The following TBC1D9 variants were observed in gnomAD, a reference collection of about 807,000 sequenced individuals.
TBC1D9 encodes TBC1 domain family member 9A.
Under a neutral mutation model 132.0 loss-of-function variants are expected in TBC1D9, and 63 were observed. The observed-to-expected ratio is 0.48, with a 90% CI of 0.39 to 0.59. TBC1D9 has a LOEUF of 0.59. TBC1D9 is among the 20% of genes least tolerant of loss of function. The probability of loss-of-function intolerance (pLI) is 0.00; values close to 1 mark genes in which losing one functional copy is unlikely to be tolerated. For missense variants in TBC1D9, 1,261 were observed against 1,592.7 expected (o/e 0.79, Z 3.54); for synonymous variants, 610 against 609.9 (o/e 1.00, Z 0.00).
intron 15 of TBC1D9, among the ~76,000 whole-genome samples, chr4:140,635,682 A>C (rs896586808): frequency 2.0e-5 from 3 of 152,094 alleles, no homozygotes; most frequent in Admixed American, 6.5e-5. Flanking sequence ...TAAAAAGAGG[A>C]GTGGGAGTAG....
At chr4:140,701,425 G>T in intron 2 of TBC1D9, 79 bp downstream of exon 2, 1 of 1,060,474 alleles carries the variant, frequency 9.4e-7, no homozygotes, top group Non-Finnish European at 1.4e-6. Flanking sequence ...GCAAGTACAC[G>T]TTCCTTTCCT....
chr4:140,671,674 CTGTG>C (rs34072180), intron 6 of TBC1D9, among the ~76,000 whole-genome samples: 7,863 of 141,642 alleles, frequency 0.056, 231 homozygotes, highest in Non-Finnish European at 0.075. Context: ...AACTACCAGA[CTGTG>C]TGTGTGTGTG....
chr4:140,630,930 A>G (rs148944665), intron 16 of TBC1D9, among the ~76,000 whole-genome samples: 6 of 152,334 alleles, frequency 3.9e-5, no homozygotes, highest in African/African-American at 1.4e-4. Context: ...GGTTAACTCT[A>G]TCGTGCAAAT....
In TBC1D9 at chr4:140,622,858, C is replaced by T; in HGVS notation, c.3138G>A (p.Glu1046=). The T allele has an allele frequency of 6.3e-6, 10 of 1,591,198 alleles. No individual in the cohort carries two copies. The highest frequency in any genetic ancestry group is 7.7e-6 in the Non-Finnish European group (9 of 1,171,346). ...CTGCCGTGGCGTGGTACAGCTCCTG[C>T]TCATTGGGGTCTTCGCTGAACATGT... ...MYNMFSEDPN[E]QELYHATAAV... Residue 1046 remains glutamate, a synonymous_variant, in exon 21 of 21, where the codon GAG becomes GAA. Transcript: ENST00000442267.
At chr4:140,723,547 T>C (rs1160764496) in intron 1 of TBC1D9, among the ~76,000 whole-genome samples, 1 of 152,134 alleles carries the variant, frequency 6.6e-6, no homozygotes, top group African/African-American at 2.4e-5. Flanking sequence ...GTGGCCAGGC[T>C]GGTCTCAAAC....
At chr4:140,740,334 A>G (rs1160695003) in intron 1 of TBC1D9, among the ~76,000 whole-genome samples, 7 of 152,210 alleles carry the variant, frequency 4.6e-5, no homozygotes, top group Non-Finnish European at 1.0e-4. Flanking sequence ...AAAAACAGGG[A>G]CAGACAATTT....
At chr4:140,659,779 T>C in intron 10 of TBC1D9, 74 bp from the exon 11 acceptor site, 1 of 1,033,662 alleles carries the variant, frequency 9.7e-7, no homozygotes, top group Admixed American at 2.3e-5. Context: ...TTAAAATTAC[T>C]CAGTTATTCT....
intron 10 of TBC1D9, 66 bp from the exon 11 acceptor site, chr4:140,659,771 A>G: frequency 9.0e-7 from 1 of 1,116,580 alleles, no homozygotes; most frequent in Non-Finnish European, 1.3e-6. Flanking sequence ...TTAGCATATT[A>G]AAATTACTCA....
chr4:140,642,912 T>A, intron 13 of TBC1D9: 1 of 591,470 alleles, frequency 1.7e-6, no homozygotes, highest in Non-Finnish European at 2.9e-6. Context: ...GTCCTCGGAG[T>A]CCCGGCGCCG....
chr4:140,652,400 A>T (rs1737200894), intron 13 of TBC1D9, among the ~76,000 whole-genome samples: 1 of 152,076 alleles, frequency 6.6e-6, no homozygotes, highest in Non-Finnish European at 1.5e-5. Context: ...GGAAGCAGAG[A>T]TAATGTACTT....
chr4:140,704,732 A>G (rs1258911908), intron 1 of TBC1D9, among the ~76,000 whole-genome samples: 1 of 152,166 alleles, frequency 6.6e-6, no homozygotes, highest in African/African-American at 2.4e-5. Flanking sequence ...CACCACCACA[A>G]TGTTCCCAAC....
chr4:140,669,243 T>C (rs190693241), intron 8 of TBC1D9, among the ~76,000 whole-genome samples, 176 bp from the exon 9 acceptor site: 51 of 152,330 alleles, frequency 3.3e-4, no homozygotes, highest in Admixed American at 1.5e-3. Flanking sequence ...ACATCTATCA[T>C]GGCCTACAGC....
intron 2 of TBC1D9, among the ~76,000 whole-genome samples, chr4:140,687,342 T>TGTGATATATATATA: frequency 1.8e-5 from 1 of 54,526 alleles, no homozygotes; most frequent in South Asian, 7.1e-4. Context: ...TGTGTGTGTG[T>TGTGATATATATATA]CATATATATA....
intron 1 of TBC1D9, among the ~76,000 whole-genome samples, chr4:140,708,152 A>G (rs909593966): frequency 4.6e-5 from 7 of 152,194 alleles, no homozygotes; most frequent in African/African-American, 1.7e-4. Flanking sequence ...AACCAGAATT[A>G]TTTTAAGAAC....
chr4:140,629,977 T>A lies in TBC1D9; in HGVS notation c.2747-1612A>T, dbSNP rs542571635. 8.5e-5 allele frequency among the ~76,000 whole-genome samples: 13 copies of A among 152,278 alleles called. No homozygotes were observed. In the South Asian group the frequency reaches 1.7e-3, roughly 19 times the overall value. Reference sequence around the variant, plus strand: ...ACAATTATTACTCCTATTTTACAGATAAGAAAAATTGGGCTTATTGAGGTT... The same window carrying A: ...ACAATTATTACTCCTATTTTACAGAAAAGAAAAATTGGGCTTATTGAGGTT... On this transcript the variant is annotated intron_variant, in intron 16 of 20. Transcript: ENST00000442267.
At chr4:140,700,553 C>A (rs13124121) in intron 2 of TBC1D9, among the ~76,000 whole-genome samples, 54,723 of 151,620 alleles carry the variant, frequency 0.36, 11,739 homozygotes, top group Non-Finnish European at 0.47. Context: ...GGTGCAGTGG[C>A]TCACACCTGT....
At chr4:140,662,141 C>T (rs11731995) in intron 9 of TBC1D9, 34 bp from the exon 10 acceptor site, 29,385 of 1,554,896 alleles carry the variant, frequency 0.019, 337 homozygotes, top group Non-Finnish European at 0.021. Flanking sequence ...GTATCAAAAA[C>T]GTGAGAGCTC....
intron 5 of TBC1D9, among the ~76,000 whole-genome samples, chr4:140,678,620 C>G (rs992105179): frequency 6.6e-6 from 1 of 152,140 alleles, no homozygotes; most frequent in Non-Finnish European, 1.5e-5. Context: ...CTCTTCAGAG[C>G]CCAGCTCAAA....
At chr4:140,750,040 G>C (rs1738896806) in intron 1 of TBC1D9, among the ~76,000 whole-genome samples, 1 of 151,610 alleles carries the variant, frequency 6.6e-6, no homozygotes, top group Non-Finnish European at 1.5e-5. Context: ...AAATGGAAAA[G>C]CATTTCTTAA....
Sources: allele counts gnomAD v4.1 joint callset (sites outside exome capture counted in the v4.1 genomes callset), GRCh38; gene constraint gnomAD v4.1.1; transcripts MANE v1.5; gene names NCBI Gene and HGNC (gene_info 2026-07-23, HGNC 2026-07-21).